The following RBFOX1 variants were observed in gnomAD, a reference collection of about 807,000 sequenced individuals.
RBFOX1 encodes RNA binding protein fox-1 homolog 1.
In RBFOX1, 8 loss-of-function variants were observed where a neutral mutation model predicts 57.7. The observed-to-expected ratio is 0.14, with a 90% CI of 0.08 to 0.25. The LOEUF is 0.25. Among genes scored for constraint, RBFOX1 ranks in the 10% least tolerant of loss-of-function variants. The pLI, the probability that RBFOX1 is intolerant of heterozygous loss-of-function variation, is 1.00. For synonymous variants in RBFOX1, 326 were observed against 222.4 expected (o/e 1.47, Z -4.15); for missense variants, 611 against 548.5 (o/e 1.11, Z -1.14).
At chr16:7,257,787 G>C (rs926900714) in intron 4 of RBFOX1, among the ~76,000 whole-genome samples, 1 of 152,164 alleles carries the variant, frequency 6.6e-6, no homozygotes, top group African/African-American at 2.4e-5. Context: ...AAGATTTGAG[G>C]GCTGCAAGAG....
At chr16:7,305,532 A>T (rs2096159888) in intron 4 of RBFOX1, among the ~76,000 whole-genome samples, 1 of 152,072 alleles carries the variant, frequency 6.6e-6, no homozygotes, top group Non-Finnish European at 1.5e-5. Flanking sequence ...TTTTCCACGG[A>T]CTCACTTCAA....
chr16:5,445,027 G>A lies in RBFOX1; in HGVS notation c.220-22189G>A, dbSNP rs1457192503. Among the ~76,000 whole-genome samples, 4 of 152,212 alleles carry A rather than the reference G, an allele frequency of 2.6e-5. No individual in the cohort carries two copies. In the South Asian group the frequency reaches 6.2e-4, roughly 24 times the overall value. On this transcript the variant is annotated intron_variant, in intron 1 of 2. Transcript: ENST00000585867. ...CTCCTCCTTCTGTTTTTCTTCTGGTGGGCTTTAACAGGAGGGTGACATGAT... is the reference window on the plus strand; with the variant it reads ...CTCCTCCTTCTGTTTTTCTTCTGGTAGGCTTTAACAGGAGGGTGACATGAT...
chr16:6,235,912 C>G (rs946391175), intron 1 of RBFOX1, among the ~76,000 whole-genome samples: 43 of 152,158 alleles, frequency 2.8e-4, no homozygotes, highest in African/African-American at 9.4e-4. Flanking sequence ...GCAGTGTATA[C>G]TGCTCGGGTG....
At position 6,020,658 on chromosome 16, in the gene RBFOX1, A is replaced by G. The variant is rs183902856; in HGVS notation, c.-127+666A>G. 6.5e-3 allele frequency among the ~76,000 whole-genome samples: 985 copies of G among 152,168 alleles called. 7 individuals are homozygous for G. Among genetic ancestry groups the G allele is most frequent in the African/African-American group, 0.022 (932 of 41,522 alleles). The stretch of plus-strand genomic sequence containing the variant: ...GAACCTTCACCCCAGAGAAGGAAAC[A>G]CAGGGGTAGCAGATCTTAGCCCTGT... On this transcript the variant is annotated intron_variant, in intron 1 of 15. Coordinates refer to ENST00000550418, the MANE Select transcript of RBFOX1 (RefSeq NM_018723.4).
At chr16:7,469,430 A>G (rs1012779556) in intron 4 of RBFOX1, among the ~76,000 whole-genome samples, 6 of 152,128 alleles carry the variant, frequency 3.9e-5, no homozygotes, top group African/African-American at 1.2e-4. Flanking sequence ...ACCTTTGCCT[A>G]TGAGGTTTTG....
At chr16:6,185,981 A>G (rs919142518) in intron 1 of RBFOX1, among the ~76,000 whole-genome samples, 2 of 152,186 alleles carry the variant, frequency 1.3e-5, no homozygotes, top group Admixed American at 6.5e-5. Flanking sequence ...GCTATGACTT[A>G]AAGTCAATCT....
At chr16:6,541,294 A>G (rs1038445061) in intron 2 of RBFOX1, among the ~76,000 whole-genome samples, 4 of 152,310 alleles carry the variant, frequency 2.6e-5, no homozygotes, top group African/African-American at 2.4e-5. Context: ...CAACCTCCCA[A>G]TGGTAGAAAT....
At chr16:6,506,343 G>C (rs1460972425) in intron 2 of RBFOX1, among the ~76,000 whole-genome samples, 2 of 152,062 alleles carry the variant, frequency 1.3e-5, no homozygotes, top group Non-Finnish European at 2.9e-5. Flanking sequence ...CAGACACTCA[G>C]ATCTATGGGG....
intron 3 of RBFOX1, among the ~76,000 whole-genome samples, chr16:6,722,427 G>T (rs76547844): frequency 0.016 from 2,490 of 152,304 alleles, 155 homozygotes; most frequent in Admixed American, 0.11. Flanking sequence ...TTGCAGAGCA[G>T]CTGGAAACAT....
intron 2 of RBFOX1, among the ~76,000 whole-genome samples, chr16:6,564,404 G>A (rs2097226894): frequency 6.6e-6 from 1 of 152,140 alleles, no homozygotes; most frequent in African/African-American, 2.4e-5. Flanking sequence ...AGCTTGCAGT[G>A]AGCCGAGATC....
intron 4 of RBFOX1, among the ~76,000 whole-genome samples, chr16:7,155,736 TATACACACACAC>T (rs2076974691): frequency 2.4e-5 from 2 of 83,408 alleles, no homozygotes; most frequent in South Asian, 8.6e-4. Context: ...TATATATATA[TATACACACACAC>T]ACACACACAC....
chr16:6,447,134 C>A, intron 2 of RBFOX1, among the ~76,000 whole-genome samples: 1 of 152,152 alleles, frequency 6.6e-6, no homozygotes, highest in East Asian at 1.9e-4. Context: ...ATTAAAAGTT[C>A]ATGGTCTATT....
intron 4 of RBFOX1, among the ~76,000 whole-genome samples, chr16:7,494,096 A>C (rs977330286): frequency 6.6e-6 from 1 of 152,174 alleles, no homozygotes; most frequent in Non-Finnish European, 1.5e-5. Context: ...TGAGTTAGCA[A>C]TGTCTAGTGG....
At chr16:6,890,628 T>C (rs951418402) in intron 3 of RBFOX1, among the ~76,000 whole-genome samples, 2 of 152,206 alleles carry the variant, frequency 1.3e-5, no homozygotes, top group African/African-American at 4.8e-5. Context: ...TGTGTTGGTG[T>C]TTGTAACAGT....
chr16:5,659,703 G>A (rs1326146463), intron 3 of RBFOX1, among the ~76,000 whole-genome samples: 1 of 152,164 alleles, frequency 6.6e-6, no homozygotes, highest in African/African-American at 2.4e-5. Flanking sequence ...AAAGTGACAT[G>A]ATTATTTACA....
intron 4 of RBFOX1, among the ~76,000 whole-genome samples, chr16:7,281,210 C>G (rs957436360): frequency 4.6e-5 from 7 of 151,840 alleles, no homozygotes; most frequent in African/African-American, 1.7e-4. Flanking sequence ...ACTGTGTTGG[C>G]CAAGCTGGTC....
chr16:5,921,716 G>A (rs1329451553), intron 4 of RBFOX1, among the ~76,000 whole-genome samples: 1 of 152,156 alleles, frequency 6.6e-6, no homozygotes, highest in Non-Finnish European at 1.5e-5. Flanking sequence ...GCTGTACAGG[G>A]AGCGTAGTGC....
intron 3 of RBFOX1, among the ~76,000 whole-genome samples, chr16:6,910,305 C>T (rs888753765): frequency 2.0e-5 from 3 of 151,966 alleles, no homozygotes; most frequent in Non-Finnish European, 2.9e-5. Flanking sequence ...CACAGAGAAT[C>T]TTTTTAGGGG....
chr16:7,329,063 G>A (rs137925401), intron 4 of RBFOX1, among the ~76,000 whole-genome samples: 61 of 152,306 alleles, frequency 4.0e-4, no homozygotes, highest in African/African-American at 1.4e-3. Flanking sequence ...CTTCTTTGGT[G>A]TATTGTCAAC....
Sources: allele counts gnomAD v4.1 joint callset (sites outside exome capture counted in the v4.1 genomes callset), GRCh38; gene constraint gnomAD v4.1.1; transcripts MANE v1.5; gene names NCBI Gene and HGNC (gene_info 2026-07-23, HGNC 2026-07-21).